The following CCDC171 variants were observed in gnomAD, a reference collection of about 807,000 sequenced individuals.
CCDC171 encodes the protein coiled-coil domain containing 171.
A neutral mutation model predicts 168.2 loss-of-function variants in CCDC171; 177 were observed. The observed-to-expected ratio is 1.05, with a 90% CI of 0.93 to 1.19. CCDC171 has a LOEUF of 1.19. Ranked by LOEUF, CCDC171 falls within the 50% of genes most tolerant of loss-of-function variation. The probability of loss-of-function intolerance (pLI) is 0.00; values close to 1 mark genes in which losing one functional copy is unlikely to be tolerated. For synonymous variants in CCDC171, 687 were observed against 540.8 expected, an observed-to-expected ratio of 1.27 and a Z score of -3.75; for missense variants, 1,991 against 1,539.0, an observed-to-expected ratio of 1.29 and a Z score of -4.91.
chr9:16,029,538 G>T (rs574030884), intron 6 of CCDC171, among the ~76,000 whole-genome samples: 1 of 152,288 alleles, frequency 6.6e-6, no homozygotes, highest in South Asian at 2.1e-4. Context: ...AGGGAATAGG[G>T]GCAGTAGGAG....
intron 3 of CCDC171, chr9:16,020,574 T>C (rs1198625743): frequency 1.3e-5 from 2 of 154,420 alleles, no homozygotes; most frequent in Non-Finnish European, 2.9e-5. Context: ...CTCCTTTACA[T>C]ATCCAAATTG....
intron 24 of CCDC171, among the ~76,000 whole-genome samples, chr9:15,887,096 A>G (rs1327749919): frequency 1.3e-5 from 2 of 152,018 alleles, no homozygotes; most frequent in Non-Finnish European, 2.9e-5. Flanking sequence ...TTGCTAAGAG[A>G]GTAGATCTTC....
At chr9:15,926,438 A>G (rs1422642349) in intron 25 of CCDC171, among the ~76,000 whole-genome samples, 2 of 151,646 alleles carry the variant, frequency 1.3e-5, no homozygotes, top group Admixed American at 1.3e-4. Flanking sequence ...GCACCATCCA[A>G]TTCCAGCTTT....
At chr9:15,775,246 T>C (rs1292960284) in intron 18 of CCDC171, among the ~76,000 whole-genome samples, 1 of 152,248 alleles carries the variant, frequency 6.6e-6, no homozygotes, top group Non-Finnish European at 1.5e-5. Context: ...CTTTCACTTC[T>C]TAAAAATTTA....
At chr9:15,756,739 C>T (rs548577210) in intron 18 of CCDC171, among the ~76,000 whole-genome samples, 1 of 152,196 alleles carries the variant, frequency 6.6e-6, no homozygotes, top group Non-Finnish European at 1.5e-5. Context: ...CCCATAATTC[C>T]GGCATGTTGT....
intron 24 of CCDC171, among the ~76,000 whole-genome samples, chr9:15,893,836 G>GT (rs1820530733): frequency 6.6e-6 from 1 of 152,060 alleles, no homozygotes; most frequent in African/African-American, 2.4e-5. Context: ...TGGTAGGAGT[G>GT]TAAGTTCAAC....
chr9:15,921,150 C>T (rs1352295006), intron 25 of CCDC171, among the ~76,000 whole-genome samples: 1 of 151,590 alleles, frequency 6.6e-6, no homozygotes, highest in Non-Finnish European at 1.5e-5. Context: ...ATTACAGTGA[C>T]TTATAAAGAA....
At chr9:15,809,038 C>A (rs76669747) in intron 21 of CCDC171, among the ~76,000 whole-genome samples, 3 of 152,002 alleles carry the variant, frequency 2.0e-5, no homozygotes, top group African/African-American at 7.3e-5. Context: ...GCACTAATCC[C>A]GATTTTGAGT....
intron 6 of CCDC171, among the ~76,000 whole-genome samples, chr9:16,029,356 T>G (rs890524434): frequency 2.0e-5 from 3 of 152,264 alleles, no homozygotes; most frequent in African/African-American, 7.2e-5. Context: ...CCCTCCTGGT[T>G]GAGTAACCTC....
Position 15,597,982 on chromosome 9 carries a change from G to A in CCDC171, c.675+3810G>A, listed in dbSNP as rs537629411. Among the ~76,000 whole-genome samples the A allele has an allele frequency of 2.8e-4, 42 of 152,044 alleles. 1 individual carries two copies. The South Asian group carries it at 6.0e-3, about 22-fold the overall frequency. On this transcript the variant is annotated intron_variant, in intron 6 of 25. Coordinates refer to ENST00000380701, the MANE Select transcript of CCDC171 (RefSeq NM_173550.4). ...TGGTAGTCTGTATTTTTGTGGGATC[G>A]GTGGTGATATCCCCTTTATGATTTT... is the stretch of plus-strand genomic sequence containing the variant.
At chr9:15,585,930 C>T (rs1181368247) in intron 4 of CCDC171, among the ~76,000 whole-genome samples, 1 of 152,002 alleles carries the variant, frequency 6.6e-6, no homozygotes, top group African/African-American at 2.4e-5. Context: ...GAGCTGAAAT[C>T]GTACCACTGC....
intron 3 of CCDC171, among the ~76,000 whole-genome samples, chr9:15,981,677 A>G (rs761395419): frequency 6.6e-6 from 1 of 152,180 alleles, no homozygotes; most frequent in Non-Finnish European, 1.5e-5. Flanking sequence ...AAAGTAGGCC[A>G]GAAAAACTGG....
Position 16,056,366 on chromosome 9 carries a change from G to A in CCDC171, n.90-4280G>A, listed in dbSNP as rs561545563. On this transcript the variant is annotated intron_variant and non_coding_transcript_variant, in intron 1 of 1. Coordinates refer to the CCDC171 transcript ENST00000478913. ...CTACTGAGCACTTGAAATGTGATTA[G>A]TATGACTGAGAAACTGGATTTTTAG... is the stretch of plus-strand genomic sequence containing the variant. Among the ~76,000 whole-genome samples, 10 of 152,310 alleles carry A rather than the reference G, an allele frequency of 6.6e-5. No homozygotes were observed. In the South Asian group the frequency reaches 1.7e-3, roughly 25 times the overall value.
At chr9:16,029,792 TG>T (rs1439508848) in intron 6 of CCDC171, among the ~76,000 whole-genome samples, 1 of 152,218 alleles carries the variant, frequency 6.6e-6, no homozygotes, top group African/African-American at 2.4e-5. Flanking sequence ...GATAATAGTC[TG>T]AGGTTTCAAT....
downstream of CCDC171, among the ~76,000 whole-genome samples, chr9:15,975,711 A>T (rs1831600210): frequency 6.6e-6 from 1 of 152,176 alleles, no homozygotes; most frequent in Admixed American, 6.5e-5. Flanking sequence ...CTGATCAATA[A>T]AGCATTCACT....
intron 6 of CCDC171, among the ~76,000 whole-genome samples, chr9:15,621,410 A>C (rs2044495294): frequency 6.6e-6 from 1 of 152,202 alleles, no homozygotes; most frequent in Non-Finnish European, 1.5e-5. Flanking sequence ...CTTTATTGCA[A>C]TATATGCTTT....
chr9:16,085,353 CA>C, the CCDC171 span, among the ~76,000 whole-genome samples: 1 of 152,226 alleles, frequency 6.6e-6, no homozygotes, highest in Non-Finnish European at 1.5e-5. Context: ...AGGGGGAACT[CA>C]AGCTGCTGAC....
At chr9:15,919,568 C>A (rs889786886) in intron 24 of CCDC171, among the ~76,000 whole-genome samples, 4 of 151,258 alleles carry the variant, frequency 2.6e-5, no homozygotes, top group Non-Finnish European at 5.9e-5. Flanking sequence ...TAATAGTATC[C>A]TGGACTTAAA....
rs371398826 is a variant in CCDC171, at chr9:15,745,228, A to G, written c.2555-287A>G. On this transcript the variant is annotated intron_variant, in intron 17 of 25. Transcript: ENST00000380701. ...AATTTTCCAGTTGTGTTTTGAATGC[A>G]TAACTATTTTGAAGAAACAATTTGT... Among the ~76,000 whole-genome samples the G allele has an allele frequency of 3.3e-5, 5 of 152,242 alleles. No individual in the cohort carries two copies. The South Asian group carries it at 6.2e-4, about 19-fold the overall frequency.
Sources: gnomAD v4.1 joint callset for allele counts (sites outside exome capture counted in the v4.1 genomes callset) on GRCh38, gnomAD v4.1.1 for gene constraint, MANE v1.5 for transcripts, NCBI Gene and HGNC (gene_info 2026-07-23, HGNC 2026-07-21) for gene names.